Variants in RASSF6 observed in about 807,000 individuals in gnomAD.
RASSF6 encodes the protein ras association domain-containing protein 6.
In RASSF6, 52 loss-of-function variants were observed where a neutral mutation model predicts 44.0. That is an observed-to-expected ratio of 1.18 (90% CI 0.95 to 1.49). RASSF6 has a LOEUF of 1.49. Ranked by LOEUF, RASSF6 falls within the 40% of genes most tolerant of loss-of-function variation. The probability of loss-of-function intolerance (pLI) is 0.00; values close to 1 mark genes in which losing one functional copy is unlikely to be tolerated. For missense variants in RASSF6, 464 were observed against 393.3 expected (o/e 1.18, Z -1.52); for synonymous variants, 162 against 124.6 (o/e 1.30, Z -2.00).
intron 3 of RASSF6, among the ~76,000 whole-genome samples, chr4:73,595,655 A>G (rs898497761): frequency 3.9e-5 from 6 of 152,164 alleles, no homozygotes; most frequent in Non-Finnish European, 7.3e-5. Flanking sequence ...TAAAGTATAA[A>G]TAATCATTTT....
chr4:73,613,342 A>G (rs1393967889), intron 1 of RASSF6, among the ~76,000 whole-genome samples: 3 of 152,110 alleles, frequency 2.0e-5, no homozygotes, highest in Non-Finnish European at 2.9e-5. Context: ...CACAGACACA[A>G]CATGCTCCAT....
intron 5 of RASSF6, among the ~76,000 whole-genome samples, chr4:73,587,394 T>A (rs7695946): frequency 0.28 from 42,200 of 151,884 alleles, 6,094 homozygotes; most frequent in Admixed American, 0.41. Flanking sequence ...TTCTGAGAAG[T>A]AATGTTATTG....
chr4:73,587,209 C>T (rs1724165407), intron 5 of RASSF6, among the ~76,000 whole-genome samples: 1 of 152,128 alleles, frequency 6.6e-6, no homozygotes, highest in Non-Finnish European at 1.5e-5. Flanking sequence ...ATTACTCTCA[C>T]ATCATCACCA....
intron 1 of RASSF6, among the ~76,000 whole-genome samples, chr4:73,616,577 G>C (rs1726378441): frequency 6.6e-6 from 1 of 152,086 alleles, no homozygotes; most frequent in Non-Finnish European, 1.5e-5. Context: ...AGAGCTAAGA[G>C]ATTATGTGTG....
At position 73,620,177 on chromosome 4, in the gene RASSF6, C is replaced by T. The variant is rs962377985; in HGVS notation, c.-35+111G>A. 7.0e-6 allele frequency: 4 copies of T among 568,586 alleles called. No individual in the cohort carries two copies. The South Asian group carries it at 1.2e-4, about 17-fold the overall frequency. The allele number at this position is 568,586 out of a possible 1,614,324, so 35.2% of individuals were successfully genotyped here. A position where few individuals can be genotyped will look rare whatever the true frequency, so the allele number is the denominator to read the frequency against. ...ATGTGTGCGATTCAGGCTGCTATGA[C>T]ACACACACACTTAACTTTGTTGCCT... On this transcript the variant is annotated intron_variant, in intron 1 of 10. Transcript: ENST00000307439.
At chr4:73,598,337 G>A (rs1725070670) in intron 3 of RASSF6, among the ~76,000 whole-genome samples, 2 of 152,092 alleles carry the variant, frequency 1.3e-5, no homozygotes, top group Admixed American at 1.3e-4. Flanking sequence ...ACATCACAAT[G>A]AATATCTTTC....
At chr4:73,611,884 T>C (rs1408441646) in intron 1 of RASSF6, 55 bp from the exon 2 acceptor site, 4 of 1,249,214 alleles carry the variant, frequency 3.2e-6, no homozygotes, top group Non-Finnish European at 4.6e-6. Flanking sequence ...AAAAAATTAG[T>C]TTCTGATTTA....
At chr4:73,577,398 C>A (rs1331783495) in intron 8 of RASSF6, among the ~76,000 whole-genome samples, 1 of 152,194 alleles carries the variant, frequency 6.6e-6, no homozygotes, top group Non-Finnish European at 1.5e-5. Flanking sequence ...AGTAGTTTCA[C>A]ATCTGGGATT....
rs1195436710 is a variant in RASSF6, at chr4:73,574,484, A to G, written c.*1751T>C. The G allele has an allele frequency of 6.6e-6, 1 of 152,320 alleles. No individual in the cohort carries two copies. Among genetic ancestry groups the G allele is most frequent in the African/African-American group, 2.4e-5 (1 of 41,454 alleles). The allele number at this position is 152,320 out of a possible 1,614,324, so 9.4% of individuals were successfully genotyped here. On this transcript the variant is annotated 3_prime_UTR_variant, in exon 11 of 11. Transcript: ENST00000307439. ...AGCAAACTTCTCTCCAGTGGGCTGC[A>G]ACCACACCTTCTCCAGTGAATTCTG...
chr4:73,590,341 T>G (rs1439641662), intron 4 of RASSF6, among the ~76,000 whole-genome samples: 1 of 152,204 alleles, frequency 6.6e-6, no homozygotes, highest in Non-Finnish European at 1.5e-5. Flanking sequence ...TTCCTGCAGC[T>G]GAAGTTCTAT....
intron 4 of RASSF6, among the ~76,000 whole-genome samples, chr4:73,593,118 C>T (rs539604228): frequency 1.3e-5 from 2 of 151,482 alleles, no homozygotes; most frequent in Admixed American, 1.3e-4. Flanking sequence ...CGGATTAAAG[C>T]GATTCTCCTG....
intron 1 of RASSF6, among the ~76,000 whole-genome samples, 168 bp downstream of exon 1, chr4:73,620,120 A>G (rs1726604775): frequency 6.6e-6 from 1 of 152,064 alleles, no homozygotes. Flanking sequence ...TGGTTAGGAA[A>G]GCATATTCTG....
chr4:73,616,086 C>T (rs1288325399), intron 1 of RASSF6: 4 of 694,126 alleles, frequency 5.8e-6, no homozygotes, highest in African/African-American at 5.3e-5. Flanking sequence ...TCCTTCTCTG[C>T]ACCTGCTACC....
intron 2 of RASSF6, among the ~76,000 whole-genome samples, chr4:73,603,452 C>T (rs1725414286): frequency 6.6e-6 from 1 of 151,910 alleles, no homozygotes; most frequent in South Asian, 2.1e-4. Context: ...AGAGAGCTAG[C>T]CAAGGAGAGA....
At chr4:73,585,795 T>C (rs565149411) in intron 5 of RASSF6, among the ~76,000 whole-genome samples, 4 of 152,048 alleles carry the variant, frequency 2.6e-5, no homozygotes, top group African/African-American at 9.6e-5. Context: ...TCATAAATGA[T>C]AGAATCAGGT....
At chr4:73,604,708 T>C (rs961308611) in intron 2 of RASSF6, 1 of 152,090 alleles carries the variant, frequency 6.6e-6, no homozygotes, top group African/African-American at 2.4e-5. Context: ...TATGTCAGGT[T>C]CAAAAAGCTG....
At chr4:73,619,716 T>C (rs1207966867) in intron 1 of RASSF6, among the ~76,000 whole-genome samples, 1 of 152,188 alleles carries the variant, frequency 6.6e-6, no homozygotes, top group Non-Finnish European at 1.5e-5. Context: ...ATTCATATCC[T>C]TAACTCATGC....
chr4:73,592,596 G>C (rs1212996245), intron 4 of RASSF6, among the ~76,000 whole-genome samples: 1 of 152,154 alleles, frequency 6.6e-6, no homozygotes, highest in East Asian at 1.9e-4. Flanking sequence ...GGATATCCAA[G>C]GGACACTTGC....
intron 8 of RASSF6, among the ~76,000 whole-genome samples, chr4:73,578,409 T>C (rs1337830544): frequency 6.6e-6 from 1 of 152,058 alleles, no homozygotes; most frequent in African/African-American, 2.4e-5. Context: ...TAAAACTGCT[T>C]TTTTTAAACT....
Sources: gnomAD v4.1 joint callset for allele counts (sites outside exome capture counted in the v4.1 genomes callset) on GRCh38, gnomAD v4.1.1 for gene constraint, MANE v1.5 for transcripts, NCBI Gene and HGNC (gene_info 2026-07-23, HGNC 2026-07-21) for gene names.